The following DIAPH2 variants were observed in gnomAD, a reference collection of about 807,000 sequenced individuals.
DIAPH2 encodes the protein diaphanous related formin 2.
DIAPH2 carries 35 observed loss-of-function variants against 92.7 expected under a neutral mutation model. That is an observed-to-expected ratio of 0.38 (90% CI 0.29 to 0.50). The LOEUF (loss-of-function observed/expected upper bound fraction) is 0.50. Ranked by LOEUF, DIAPH2 falls within the 20% of genes least tolerant of loss-of-function variation. The pLI is 0.94. For synonymous variants in DIAPH2, 301 were observed against 280.4 expected (o/e 1.07, Z -0.73); for missense variants, 701 against 819.5 (o/e 0.86, Z 1.77).
chrX:97,261,206 C>T, intron 23 of DIAPH2, among the ~76,000 whole-genome samples: 1 of 112,351 alleles, frequency 8.9e-6, no homozygotes, highest in Non-Finnish European at 1.9e-5. Flanking sequence ...TGTGTGTGTG[C>T]ACGTGTGTGT....
At chrX:96,714,301 G>C (rs1306635138) in intron 1 of DIAPH2, among the ~76,000 whole-genome samples, 1 of 96,073 alleles carries the variant, frequency 1.0e-5, no homozygotes, top group Non-Finnish European at 2.0e-5. Flanking sequence ...AGTTTTGCTC[G>C]TTGCCCAGGC....
chrX:97,335,388 G>A (rs963984898), intron 23 of DIAPH2, among the ~76,000 whole-genome samples: 5 of 111,427 alleles, frequency 4.5e-5, no homozygotes, highest in South Asian at 7.5e-4. Flanking sequence ...ATATATTATC[G>A]CAGCATGATA....
intron 24 of DIAPH2, among the ~76,000 whole-genome samples, chrX:97,383,462 A>T (rs1234893373): frequency 9.1e-6 from 1 of 109,817 alleles, no homozygotes; most frequent in African/African-American, 3.3e-5. Context: ...AGAAAAGTAC[A>T]CAATAAAGGG....
At chrX:97,580,337 T>A (rs1176510071) in intron 26 of DIAPH2, among the ~76,000 whole-genome samples, 1 of 96,152 alleles carries the variant, frequency 1.0e-5, no homozygotes, top group African/African-American at 3.8e-5. Context: ...TTTTGAAATA[T>A]GTCCCATCAA....
chrX:96,967,395 T>TATTCACTC (rs1556311848), intron 17 of DIAPH2, among the ~76,000 whole-genome samples: 1 of 105,759 alleles, frequency 9.5e-6, no homozygotes, highest in Non-Finnish European at 2.0e-5. Context: ...TTTATTTATT[T>TATTCACTC]ATTCATTCAT....
chrX:97,280,338 C>T (rs922021403), intron 23 of DIAPH2, among the ~76,000 whole-genome samples: 34 of 110,038 alleles, frequency 3.1e-4, no homozygotes, highest in African/African-American at 9.9e-5. Flanking sequence ...ATTAGCCCAC[C>T]GTGGTGGCGG....
At chrX:96,955,287 G>A (rs1466479097) in intron 15 of DIAPH2, among the ~76,000 whole-genome samples, 9 of 111,374 alleles carry the variant, frequency 8.1e-5, no homozygotes, top group Non-Finnish European at 1.1e-4. Context: ...TCAGATCTTC[G>A]GAGAACTCAG....
chrX:96,907,055 G>A (rs2065438158), intron 5 of DIAPH2, among the ~76,000 whole-genome samples: 1 of 112,095 alleles, frequency 8.9e-6, no homozygotes, highest in African/African-American at 3.2e-5. Context: ...CAACTTGGAT[G>A]TGTAGCATGT....
chrX:97,192,293 C>CAAAAAAAAAAAAAAAA (rs773665704), intron 22 of DIAPH2, among the ~76,000 whole-genome samples: 3 of 32,350 alleles, frequency 9.3e-5, no homozygotes, highest in East Asian at 1.0e-3. Context: ...GACTCCGTCT[C>CAAAAAAAAAAAAAAAA]AAAAAAAAAA....
At chrX:97,428,255 C>T (rs5921820) in intron 25 of DIAPH2, among the ~76,000 whole-genome samples, 3,117 of 111,842 alleles carry the variant, frequency 0.028, 35 homozygotes, top group Middle Eastern at 0.042. Flanking sequence ...TTCAGCTGGG[C>T]GCAGTGGCTC....
intron 23 of DIAPH2, among the ~76,000 whole-genome samples, chrX:97,323,894 ACT>A (rs1263495482): frequency 2.1e-5 from 2 of 97,474 alleles, no homozygotes; most frequent in East Asian, 3.2e-4. Context: ...CAGGAGCGAA[ACT>A]CTGTCTCAAA....
intron 22 of DIAPH2, among the ~76,000 whole-genome samples, chrX:97,163,713 C>T (rs187325068): frequency 8.9e-6 from 1 of 111,912 alleles, no homozygotes; most frequent in African/African-American, 3.2e-5. Context: ...GACATAAATT[C>T]TCTTCCCTAT....
chrX:97,185,493 A>ATGTGTGTG (rs2067594176), intron 22 of DIAPH2, among the ~76,000 whole-genome samples: 2 of 44,237 alleles, frequency 4.5e-5, no homozygotes, highest in Non-Finnish European at 6.8e-5. Flanking sequence ...ATATATATAT[A>ATGTGTGTG]TATATATATA....
chrX:96,861,910 G>A (rs2065074749), intron 4 of DIAPH2, among the ~76,000 whole-genome samples: 1 of 111,589 alleles, frequency 9.0e-6, no homozygotes, highest in Non-Finnish European at 1.9e-5. Context: ...AATCTTCCAC[G>A]GTGCTGTGCC....
rs1210558512 is a variant in DIAPH2 at position 97,141,668 on chromosome X, A to C, written c.2593A>C (p.Arg865=). The change falls in exon 22 of 27, where the codon AGA becomes CGA. Residue 865 remains arginine, a synonymous_variant. Transcript: ENST00000324765. The part of the protein sequence containing the change: ...GFKINFLCKI[R]DTKSADQKTT... ...ATGTGTTGTTGTTTTCTCCCAGATC[A>C]GAGATACTAAATCAGCGGATCAAAA... 8.4e-7 allele frequency: 1 copy of C among 1,193,159 alleles called. No homozygotes were observed. Among genetic ancestry groups the C allele is most frequent in the Non-Finnish European group, 1.1e-6 (1 of 889,164 alleles).
At chrX:96,825,885 C>T (rs1174468931) in intron 4 of DIAPH2, among the ~76,000 whole-genome samples, 1 of 111,410 alleles carries the variant, frequency 9.0e-6, no homozygotes, top group Non-Finnish European at 1.9e-5. Flanking sequence ...TTCATCTTCT[C>T]TACATCCTAT....
At chrX:97,460,273 A>T (rs1043174329) in intron 26 of DIAPH2, among the ~76,000 whole-genome samples, 2 of 110,835 alleles carry the variant, frequency 1.8e-5, no homozygotes, top group Non-Finnish European at 3.8e-5. Flanking sequence ...TTCTCCAGGG[A>T]CCCCCTCCCA....
At chrX:97,128,962 TATC>T (rs2067111831) in intron 21 of DIAPH2, among the ~76,000 whole-genome samples, 1 of 111,192 alleles carries the variant, frequency 9.0e-6, no homozygotes, top group African/African-American at 3.3e-5. Flanking sequence ...TACTTGTTGC[TATC>T]ATCATTTATG....
intron 23 of DIAPH2, among the ~76,000 whole-genome samples, chrX:97,277,994 C>T (rs748122413): frequency 1.8e-5 from 2 of 111,346 alleles, no homozygotes; most frequent in African/African-American, 3.3e-5. Context: ...TACAGGCACG[C>T]GCCACCACGC....
Sources: allele counts gnomAD v4.1 joint callset (sites outside exome capture counted in the v4.1 genomes callset), GRCh38; gene constraint gnomAD v4.1.1; transcripts MANE v1.5; gene names NCBI Gene and HGNC (gene_info 2026-07-23, HGNC 2026-07-21).